The following ZBTB20 variants were observed in gnomAD, a reference collection of about 807,000 sequenced individuals.
ZBTB20 encodes the protein zinc finger and BTB domain-containing protein 20.
ZBTB20 carries 9 observed loss-of-function variants against 56.9 expected under a neutral mutation model. The observed-to-expected ratio is 0.16, with a 90% CI of 0.10 to 0.28. ZBTB20 has a LOEUF of 0.28. ZBTB20 is among the 10% of genes least tolerant of loss of function. ZBTB20 has a pLI of 1.00. For missense variants in ZBTB20, 655 were observed against 1,003.0 expected (o/e 0.65, Z 4.69); for synonymous variants, 417 against 420.7 (o/e 0.99, Z 0.11).
At chr3:115,023,854 C>A (rs2080305522) in intron 2 of ZBTB20, among the ~76,000 whole-genome samples, 1 of 151,020 alleles carries the variant, frequency 6.6e-6, no homozygotes, top group African/African-American at 2.4e-5. Context: ...TACTTCCAAG[C>A]ATAACTAGTT....
intron 4 of ZBTB20, among the ~76,000 whole-genome samples, chr3:114,880,769 T>C (rs546321528): frequency 1.3e-5 from 2 of 152,262 alleles, no homozygotes; most frequent in African/African-American, 4.8e-5. Flanking sequence ...ACAAAAAATA[T>C]TGACAGAAAC....
At chr3:114,389,761 C>T (rs569757231) in intron 7 of ZBTB20, among the ~76,000 whole-genome samples, 1 of 151,632 alleles carries the variant, frequency 6.6e-6, no homozygotes, top group East Asian at 1.9e-4. Flanking sequence ...TGATGGCGCA[C>T]GCCTGTAGTC....
intron 3 of ZBTB20, among the ~76,000 whole-genome samples, chr3:114,956,614 T>C: frequency 6.6e-6 from 1 of 152,148 alleles, no homozygotes; most frequent in East Asian, 1.9e-4. Flanking sequence ...AGGCTTGCCA[T>C]CAGCAAGTAC....
At chr3:115,030,709 A>G (rs1195708185) in intron 2 of ZBTB20, among the ~76,000 whole-genome samples, 1 of 151,302 alleles carries the variant, frequency 6.6e-6, no homozygotes, top group Non-Finnish European at 1.5e-5. Flanking sequence ...AGCTTCCTTC[A>G]GGGTACAGCT....
chr3:115,043,629 AATAAT>A lies in ZBTB20; in HGVS notation c.-507+27585_-507+27589del, dbSNP rs1353932554. On this transcript the variant is annotated intron_variant, in intron 2 of 11. Coordinates refer to ENST00000675478, the MANE Select transcript of ZBTB20 (RefSeq NM_001348800.3). Reference sequence around the variant, plus strand: ...AATAAAATAAAATAAAATAAAATAAAATAATAAAATAAATAAAAGTAGTTGAAACC... The same window carrying A: ...AATAAAATAAAATAAAATAAAATAAAAAAATAAATAAAAGTAGTTGAAACC... 4.6e-3 allele frequency among the ~76,000 whole-genome samples: 636 copies of A among 139,560 alleles called. 1 individual carries two copies. Among genetic ancestry groups the A allele is most frequent in the Middle Eastern group, 0.015 (4 of 266 alleles). 91.6% of individuals were successfully genotyped at this position (139,560 alleles called of 152,430 possible).
chr3:114,375,601 C>T (rs1352235294), intron 10 of ZBTB20, among the ~76,000 whole-genome samples: 1 of 152,212 alleles, frequency 6.6e-6, no homozygotes, highest in African/African-American at 2.4e-5. Flanking sequence ...AATCTGCTTT[C>T]AAGTTGTTCT....
chr3:114,541,251 C>A (rs2049080565), intron 6 of ZBTB20, among the ~76,000 whole-genome samples: 1 of 152,074 alleles, frequency 6.6e-6, no homozygotes, highest in Non-Finnish European at 1.5e-5. Context: ...TAAGTTAATG[C>A]AATGTTAAGG....
At chr3:114,900,817 G>C (rs1367823990) in intron 3 of ZBTB20, among the ~76,000 whole-genome samples, 1 of 152,064 alleles carries the variant, frequency 6.6e-6, no homozygotes, top group East Asian at 1.9e-4. Context: ...AAAAATGCAT[G>C]AATAAATGAA....
At chr3:114,393,014 G>A (rs1288843485) in intron 7 of ZBTB20, among the ~76,000 whole-genome samples, 2 of 152,198 alleles carry the variant, frequency 1.3e-5, no homozygotes, top group Non-Finnish European at 2.9e-5. Context: ...TCCCAGGTGA[G>A]CGCTTGACTC....
chr3:114,501,478 T>C (rs1162151098), intron 6 of ZBTB20, among the ~76,000 whole-genome samples: 2 of 151,240 alleles, frequency 1.3e-5, no homozygotes, highest in Non-Finnish European at 2.9e-5. Context: ...CTACAAAAAT[T>C]AGCCAGGCAT....
intron 6 of ZBTB20, among the ~76,000 whole-genome samples, chr3:114,501,116 A>G (rs919319960): frequency 6.6e-6 from 1 of 152,186 alleles, no homozygotes; most frequent in Admixed American, 6.5e-5. Context: ...TTGCCTTCTA[A>G]AACTGCCTCT....
intron 3 of ZBTB20, among the ~76,000 whole-genome samples, chr3:114,922,086 C>T (rs1028460027): frequency 1.3e-5 from 2 of 152,098 alleles, no homozygotes; most frequent in East Asian, 3.9e-4. Flanking sequence ...CACATTAACA[C>T]AATGAAGGAT....
chr3:114,676,964 G>A (rs1293727881), intron 6 of ZBTB20, among the ~76,000 whole-genome samples: 3 of 151,898 alleles, frequency 2.0e-5, no homozygotes, highest in African/African-American at 4.8e-5. Flanking sequence ...TAGTAGAGAC[G>A]GGGTTTCACC....
chr3:114,728,878 T>C (rs1471223287), intron 5 of ZBTB20, among the ~76,000 whole-genome samples: 1 of 152,186 alleles, frequency 6.6e-6, no homozygotes, highest in African/African-American at 2.4e-5. Flanking sequence ...GCTGCATGTA[T>C]GTCTTCTTTT....
intron 6 of ZBTB20, among the ~76,000 whole-genome samples, chr3:114,621,908 A>G (rs895742021): frequency 1.3e-5 from 2 of 152,166 alleles, no homozygotes. Context: ...CTTCTTATAT[A>G]TTTCAATTTA....
chr3:114,726,011 T>A lies in ZBTB20; in HGVS notation c.-342-32436A>T, dbSNP rs559838444. Among the ~76,000 whole-genome samples the A allele has an allele frequency of 3.9e-5, 6 of 152,320 alleles. No homozygotes were observed. The South Asian group carries it at 1.2e-3, about 32-fold the overall frequency. ...AATAAATGTAACCTATTATTTATTA[T>A]AATAGTTGACAGTTTATTTTAGTAA... On this transcript the variant is annotated intron_variant, in intron 5 of 11. Coordinates refer to ENST00000675478, the MANE Select transcript of ZBTB20 (RefSeq NM_001348800.3).
intron 6 of ZBTB20, among the ~76,000 whole-genome samples, chr3:114,598,511 T>A (rs1259391350): frequency 6.6e-6 from 1 of 152,038 alleles, no homozygotes; most frequent in Non-Finnish European, 1.5e-5. Flanking sequence ...CACATATTTA[T>A]GATAGATAGG....
chr3:114,542,425 A>T (rs932220989), intron 6 of ZBTB20, among the ~76,000 whole-genome samples: 13 of 152,308 alleles, frequency 8.5e-5, no homozygotes, highest in African/African-American at 3.1e-4. Flanking sequence ...AGGAATAAAT[A>T]AAAAATGGCA....
chr3:114,593,414 C>T (rs370321519), intron 6 of ZBTB20, among the ~76,000 whole-genome samples: 32 of 136,498 alleles, frequency 2.3e-4, no homozygotes, highest in Middle Eastern at 4.2e-3. Flanking sequence ...GACGGAGTGT[C>T]GCTCTTGTGG....
Sources: allele counts gnomAD v4.1 joint callset (sites outside exome capture counted in the v4.1 genomes callset), GRCh38; gene constraint gnomAD v4.1.1; transcripts MANE v1.5; gene names NCBI Gene and HGNC (gene_info 2026-07-23, HGNC 2026-07-21).